The following CEP295 variants were observed in gnomAD, a reference collection of about 807,000 sequenced individuals.
The protein encoded by CEP295 is centrosomal protein of 295 kDa.
Under a neutral mutation model 291.6 loss-of-function variants are expected in CEP295, and 190 were observed. That is an observed-to-expected ratio of 0.65 (90% CI 0.58 to 0.73). The LOEUF is 0.73. CEP295 is among the 30% of genes least tolerant of loss of function. The pLI is 0.00. For synonymous variants in CEP295, 993 were observed against 1,038.8 expected, an observed-to-expected ratio of 0.96 and a Z score of 0.85; for missense variants, 2,863 against 2,949.4, an observed-to-expected ratio of 0.97 and a Z score of 0.68.
At chr11:93,679,678 T>C in intron 7 of CEP295, 126 bp downstream of exon 7, 2 of 697,668 alleles carry the variant, frequency 2.9e-6, no homozygotes, top group Non-Finnish European at 4.2e-6. Context: ...CTGATTCATA[T>C]GATTTCAAGT....
intron 1 of CEP295, among the ~76,000 whole-genome samples, chr11:93,662,003 C>T (rs1950010130): frequency 6.6e-6 from 1 of 152,178 alleles, no homozygotes; most frequent in Admixed American, 6.5e-5. Context: ...GTGCGAGAGG[C>T]TTTGCGCGCT....
At chr11:93,663,902 A>T (rs1248960709) in intron 1 of CEP295, among the ~76,000 whole-genome samples, 2 of 152,188 alleles carry the variant, frequency 1.3e-5, no homozygotes, top group Non-Finnish European at 2.9e-5. Context: ...ATATGTATAC[A>T]CTTGTCTAAA....
intron 18 of CEP295, among the ~76,000 whole-genome samples, chr11:93,718,369 G>A (rs1362094433): frequency 6.6e-6 from 1 of 152,188 alleles, no homozygotes; most frequent in Admixed American, 6.5e-5. Context: ...TTCCTGCATG[G>A]CATGAAAAGA....
chr11:93,720,387 T>C (rs1294236877), intron 18 of CEP295, among the ~76,000 whole-genome samples: 2 of 150,454 alleles, frequency 1.3e-5, no homozygotes, highest in East Asian at 3.9e-4. Context: ...GCAGGGAGAA[T>C]TGCCTGAACC....
At chr11:93,727,696 T>C (rs755014947) in intron 24 of CEP295, 59 bp downstream of exon 24, 26 of 1,357,720 alleles carry the variant, frequency 1.9e-5, no homozygotes, top group Non-Finnish European at 2.2e-5. Flanking sequence ...AAAAAACTTT[T>C]TTCTTCTAAA....
At chr11:93,684,904 T>C (rs1447648448) in intron 9 of CEP295, among the ~76,000 whole-genome samples, 1 of 152,152 alleles carries the variant, frequency 6.6e-6, no homozygotes, top group Non-Finnish European at 1.5e-5. Flanking sequence ...TATTCAGTTA[T>C]TTCTAGGTAC....
At chr11:93,670,653 T>C (rs764102486) in intron 5 of CEP295, among the ~76,000 whole-genome samples, 2 of 152,176 alleles carry the variant, frequency 1.3e-5, no homozygotes, top group African/African-American at 4.8e-5. Flanking sequence ...CCATCTACCA[T>C]GTAACATTTG....
Position 93,669,775 on chromosome 11 carries a change from G to A in CEP295, c.528+5G>A. The A allele has an allele frequency of 6.5e-7, 1 of 1,537,480 alleles. No individual in the cohort carries two copies. The highest frequency in any genetic ancestry group is 8.8e-7 in the Non-Finnish European group (1 of 1,134,572). On this transcript the variant is annotated splice_donor_5th_base_variant and intron_variant, in intron 5 of 29. Transcript: ENST00000325212. ...CCTCCTCCAACTCTTTTTGAGGTGA[G>A]TTTGAGTATTAAGAGGAACTAGGTC...
chr11:93,683,935 G>A, intron 8 of CEP295, 29 bp from the exon 9 acceptor site: 1 of 1,533,928 alleles, frequency 6.5e-7, no homozygotes, highest in Non-Finnish European at 8.8e-7. Context: ...TTTTGGAATG[G>A]AAACGTGTCT....
Position 93,729,694 on chromosome 11 carries a change from T to G in CEP295, c.7480T>G (p.Ser2494Ala). 1.3e-6 allele frequency: 2 copies of G among 1,550,424 alleles called. No homozygotes were observed. Among genetic ancestry groups the G allele is most frequent in the South Asian group, 1.2e-5 (1 of 84,012 alleles). Residue 2494 changes from serine (S) to alanine (A), a missense_variant, in exon 27 of 30, where the codon TCC (serine) becomes GCC (alanine). Physicochemically the swap from Ser to Ala is moderately conservative, Grantham distance 99 (BLOSUM62 1). Coordinates refer to ENST00000325212, the MANE Select transcript of CEP295 (RefSeq NM_033395.2). ...IKRKKSFMER[S>A]HQRQKEIRNK... The stretch of plus-strand genomic sequence containing the variant: ...GAGGAAAAAATCATTTATGGAGAGA[T>G]CCCACCAGAGGCAGAAAGAAATAAG...
chr11:93,667,551 CAA>C, intron 2 of CEP295, 54 bp from the exon 3 acceptor site: 1 of 1,329,474 alleles, frequency 7.5e-7, no homozygotes, highest in Non-Finnish European at 1.0e-6. Flanking sequence ...AATAGCTTTT[CAA>C]AAAAGTTTAA....
Position 93,673,543 on chromosome 11 carries a change from G to T in CEP295, c.529-2028G>T, listed in dbSNP as rs181305161. On this transcript the variant is annotated intron_variant, in intron 5 of 29. Transcript: ENST00000325212. ...GAATCTTATTCTGTCGCCCAGGCTG[G>T]AGGGCAGTGGTGCAGTCTCGGCTCC... Among the ~76,000 whole-genome samples the T allele has an allele frequency of 5.1e-3, 771 of 152,042 alleles. 4 individuals are homozygous for T. Among genetic ancestry groups the T allele is most frequent in the African/African-American group, 0.017 (718 of 41,426 alleles).
At position 93,728,729 on chromosome 11, in the gene CEP295, A is replaced by G. The variant is rs77922978; in HGVS notation, c.7210A>G (p.Ile2404Val). 4,745 of 1,550,438 alleles carry G rather than the reference A, an allele frequency of 3.1e-3. 121 individuals carry two copies. The East Asian group carries it at 0.069, about 22-fold the overall frequency. The change falls in exon 25 of 30, where the codon ATA becomes GTA. Residue 2404 changes from isoleucine (I) to valine (V), a missense_variant. Coordinates refer to ENST00000325212, the MANE Select transcript of CEP295 (RefSeq NM_033395.2). Reference protein sequence around the residue: ...GIMEEPELTLISTTDTSIAEM... With the variant: ...GIMEEPELTLVSTTDTSIAEM... ...AATGGAAGAACCAGAACTTACTTTA[A>G]TAAGCACCACTGATACCAGTATTGC...
chr11:93,689,748 A>G (rs1951425167), intron 10 of CEP295, among the ~76,000 whole-genome samples: 2 of 152,276 alleles, frequency 1.3e-5, no homozygotes, highest in South Asian at 4.1e-4. Context: ...CCACCCATCC[A>G]TAAGGACAGG....
At chr11:93,709,624 T>A (rs1591105144) in intron 18 of CEP295, among the ~76,000 whole-genome samples, 1 of 152,184 alleles carries the variant, frequency 6.6e-6, no homozygotes, top group Non-Finnish European at 1.5e-5. Context: ...TTGGCTATTC[T>A]GGGTCTTTTG....
At chr11:93,724,633 G>T (rs1954005309) in intron 22 of CEP295, among the ~76,000 whole-genome samples, 1 of 151,878 alleles carries the variant, frequency 6.6e-6, no homozygotes, top group African/African-American at 2.4e-5. Flanking sequence ...CAGGTGTCGT[G>T]GTGCGCACCT....
At chr11:93,696,502 T>C in intron 14 of CEP295, 85 bp downstream of exon 14, 1 of 1,096,922 alleles carries the variant, frequency 9.1e-7, no homozygotes, top group Middle Eastern at 2.8e-4. Flanking sequence ...GGATCTAATT[T>C]GGATTTCCTT....
rs557634288 is a variant in CEP295 at position 93,667,443 on chromosome 11, A to C, written c.109-164A>C. ...TGAGATTTTTACTTTTTGTACATTC[A>C]CTCAGATTTTCTGCTTTAAATAGTC... On this transcript the variant is annotated intron_variant, in intron 2 of 29. Transcript: ENST00000325212. Among the ~76,000 whole-genome samples the C allele has an allele frequency of 2.6e-5, 4 of 152,280 alleles. No homozygotes were observed. In the East Asian group the frequency reaches 7.7e-4, roughly 29 times the overall value.
Position 93,726,988 on chromosome 11 carries a change from G to A in CEP295, c.6512G>A (p.Cys2171Tyr). Residue 2171 changes from cysteine (C) to tyrosine (Y), a missense_variant, in exon 24 of 30, where the codon TGT (cysteine) becomes TAT (tyrosine). Cys to Tyr is a radical substitution (Grantham distance 194, BLOSUM62 -2). Coordinates refer to ENST00000325212, the MANE Select transcript of CEP295 (RefSeq NM_033395.2). ...TTTCTTAATGCAGGATCTGAACAAT[G>A]TTTTGAACAGCTTCAGCCAGAATAT... Reference protein sequence around the residue: ...TENIIGGSEQCFEQLQPEYSS... With the variant: ...TENIIGGSEQYFEQLQPEYSS... 6.6e-7 allele frequency: 1 copy of A among 1,519,214 alleles called. No homozygotes were observed. Among genetic ancestry groups the A allele is most frequent in the Non-Finnish European group, 8.8e-7 (1 of 1,134,682 alleles). 94.1% of individuals were successfully genotyped at this position (1,519,214 alleles called of 1,614,324 possible). A position where few individuals can be genotyped will look rare whatever the true frequency, so the allele number is the denominator to read the frequency against.
Sources: gnomAD v4.1 joint callset for allele counts (sites outside exome capture counted in the v4.1 genomes callset) on GRCh38, gnomAD v4.1.1 for gene constraint, MANE v1.5 for transcripts, NCBI Gene and HGNC (gene_info 2026-07-23, HGNC 2026-07-21) for gene names.